Variants in SGMS2 observed in about 807,000 individuals in gnomAD.
SGMS2 encodes the protein sphingomyelin synthase 2.
A neutral mutation model predicts 43.8 loss-of-function variants in SGMS2; 21 were observed. The ratio of observed to expected loss-of-function variants is 0.48; its 90% CI spans 0.34 to 0.69. The LOEUF (loss-of-function observed/expected upper bound fraction) is 0.69. Ranked by LOEUF, SGMS2 falls within the 30% of genes least tolerant of loss-of-function variation. The pLI is 0.01. For missense variants in SGMS2, 384 were observed against 443.2 expected (o/e 0.87, Z 1.20); for synonymous variants, 167 against 160.6 (o/e 1.04, Z -0.30).
chr4:107,905,416 G>C (rs1286106767), intron 5 of SGMS2, among the ~76,000 whole-genome samples: 2 of 152,192 alleles, frequency 1.3e-5, no homozygotes, highest in African/African-American at 4.8e-5. Context: ...TACAATTCAA[G>C]ATGAGATTTG....
rs781649926 is a variant in SGMS2 at position 107,895,535 on chromosome 4, A to G, written c.-19A>G. On this transcript the variant is annotated 5_prime_UTR_variant, in exon 3 of 7. Coordinates refer to ENST00000690982, the MANE Select transcript of SGMS2 (RefSeq NM_001375905.1). ...CAAGAACTTGACCATCTCCTTTTTG[A>G]TCTGAAGACTAGGGGACAATGGATA... The G allele has an allele frequency of 1.3e-5, 21 of 1,586,402 alleles. No individual in the cohort carries two copies. The highest frequency in any genetic ancestry group is 1.7e-5 in the Non-Finnish European group (20 of 1,167,186).
At chr4:107,881,459 T>C (rs1006407169) in intron 2 of SGMS2, among the ~76,000 whole-genome samples, 22 of 151,796 alleles carry the variant, frequency 1.4e-4, no homozygotes, top group Admixed American at 1.2e-3. Context: ...AATTTCTTTT[T>C]ATTTTTTTTT....
intron 1 of SGMS2, among the ~76,000 whole-genome samples, chr4:107,826,150 TTAATAATGAGGA>T (rs1191235375): frequency 6.6e-5 from 10 of 152,198 alleles, no homozygotes; most frequent in Admixed American, 6.5e-4. Flanking sequence ...TAAATAAGGA[TTAATAATGAGGA>T]TAATAATGAG....
At chr4:107,832,509 T>C (rs1389257168) in intron 1 of SGMS2, among the ~76,000 whole-genome samples, 1 of 152,186 alleles carries the variant, frequency 6.6e-6, no homozygotes, top group Non-Finnish European at 1.5e-5. Context: ...AGGTGGTAAA[T>C]AGTTGAATTA....
At chr4:107,851,605 A>G (rs572686414) in intron 1 of SGMS2, among the ~76,000 whole-genome samples, 1 of 152,310 alleles carries the variant, frequency 6.6e-6, no homozygotes, top group South Asian at 2.1e-4. Context: ...AGTTTTGACA[A>G]TAACACTTCT....
chr4:107,874,077 T>C (rs1432301769), intron 2 of SGMS2: 1 of 152,186 alleles, frequency 6.6e-6, no homozygotes, highest in East Asian at 1.9e-4. Flanking sequence ...AATTTCTTGT[T>C]TTATAATATA....
intron 2 of SGMS2, among the ~76,000 whole-genome samples, chr4:107,870,772 G>A (rs553439753): frequency 2.4e-4 from 37 of 152,088 alleles, no homozygotes; most frequent in African/African-American, 8.9e-4. Flanking sequence ...CTGCTTCTTT[G>A]TTTCATGGTA....
chr4:107,884,232 C>A (rs1427346051), intron 2 of SGMS2, among the ~76,000 whole-genome samples: 1 of 152,182 alleles, frequency 6.6e-6, no homozygotes, highest in Non-Finnish European at 1.5e-5. Flanking sequence ...AAGCCACTTT[C>A]ATACCTGCCT....
chr4:107,900,492 A>G (rs984205863), intron 4 of SGMS2, among the ~76,000 whole-genome samples: 1 of 152,226 alleles, frequency 6.6e-6, no homozygotes, highest in Non-Finnish European at 1.5e-5. Flanking sequence ...TTTGACAGAA[A>G]GAAGTCAAGG....
At chr4:107,880,649 G>A (rs1397850665) in intron 2 of SGMS2, among the ~76,000 whole-genome samples, 2 of 151,932 alleles carry the variant, frequency 1.3e-5, no homozygotes, top group African/African-American at 4.8e-5. Context: ...TGAGGCCAGA[G>A]GTTCGAGATC....
intron 6 of SGMS2, among the ~76,000 whole-genome samples, chr4:107,910,087 C>A (rs1731982198): frequency 6.6e-6 from 1 of 152,184 alleles, no homozygotes; most frequent in African/African-American, 2.4e-5. Context: ...CTGAATAATT[C>A]TGAAATCCAT....
chr4:107,837,483 G>C (rs1313878411), intron 1 of SGMS2, among the ~76,000 whole-genome samples: 1 of 152,148 alleles, frequency 6.6e-6, no homozygotes, highest in Non-Finnish European at 1.5e-5. Context: ...AGGCCAATCT[G>C]CTGCAGCCTG....
intron 1 of SGMS2, among the ~76,000 whole-genome samples, chr4:107,851,621 T>C (rs1010083090): frequency 2.6e-5 from 4 of 152,176 alleles, no homozygotes; most frequent in Admixed American, 1.3e-4. Context: ...CTTCTGTATA[T>C]CCTGATGAGT....
chr4:107,834,232 G>A (rs1237878032), intron 1 of SGMS2, among the ~76,000 whole-genome samples: 1 of 152,220 alleles, frequency 6.6e-6, no homozygotes, highest in East Asian at 1.9e-4. Flanking sequence ...GTATAGCAAG[G>A]TTTACATTTT....
At chr4:107,888,123 T>C (rs1729900546) in intron 2 of SGMS2, among the ~76,000 whole-genome samples, 2 of 152,148 alleles carry the variant, frequency 1.3e-5, no homozygotes, top group Admixed American at 6.6e-5. Flanking sequence ...GTTGAATAGC[T>C]TTAATTTCTG....
chr4:107,830,258 G>A (rs974125372), intron 1 of SGMS2, among the ~76,000 whole-genome samples: 2 of 152,106 alleles, frequency 1.3e-5, no homozygotes, highest in African/African-American at 4.8e-5. Flanking sequence ...TATGTACCAC[G>A]TTTTCTTTAT....
intron 2 of SGMS2, among the ~76,000 whole-genome samples, chr4:107,889,956 C>A (rs546559752): frequency 6.6e-6 from 1 of 152,290 alleles, no homozygotes; most frequent in African/African-American, 2.4e-5. Context: ...AGAGCCCACA[C>A]TGAATCCTGG....
chr4:107,879,942 T>A (rs1729216499), intron 2 of SGMS2, among the ~76,000 whole-genome samples: 1 of 152,214 alleles, frequency 6.6e-6, no homozygotes, highest in South Asian at 2.1e-4. Context: ...ACTGCCATTC[T>A]CACCTGCATT....
chr4:107,853,895 A>G (rs1168988443), intron 1 of SGMS2, among the ~76,000 whole-genome samples: 1 of 152,234 alleles, frequency 6.6e-6, no homozygotes, highest in Non-Finnish European at 1.5e-5. Flanking sequence ...GGTCAAAAAA[A>G]GCTTCTCCAA....
Sources: gnomAD v4.1 joint callset for allele counts (sites outside exome capture counted in the v4.1 genomes callset) on GRCh38, gnomAD v4.1.1 for gene constraint, MANE v1.5 for transcripts, NCBI Gene and HGNC (gene_info 2026-07-23, HGNC 2026-07-21) for gene names.